Variants in PTPN12 observed in about 807,000 individuals in gnomAD.
PTPN12 encodes the protein protein tyrosine phosphatase non-receptor type 12, also known as tyrosine-protein phosphatase non-receptor type 12.
Under a neutral mutation model 97.6 loss-of-function variants are expected in PTPN12, and 29 were observed. That is an observed-to-expected ratio of 0.30 (90% CI 0.22 to 0.41). The LOEUF (loss-of-function observed/expected upper bound fraction) is 0.41. Among genes scored for constraint, PTPN12 ranks in the 10% least tolerant of loss-of-function variants. PTPN12 has a pLI of 1.00. For missense variants in PTPN12, 819 were observed against 926.0 expected (o/e 0.88, Z 1.50); for synonymous variants, 327 against 300.4 (o/e 1.09, Z -0.91).
At chr7:77,586,129 GT>G in intron 5 of PTPN12, among the ~76,000 whole-genome samples, 1 of 151,876 alleles carries the variant, frequency 6.6e-6, no homozygotes, top group Non-Finnish European at 1.5e-5. Context: ...AATTTTTGTA[GT>G]TTTAGTAAAG....
At chr7:77,544,473 A>G (rs1171875845) in intron 1 of PTPN12, among the ~76,000 whole-genome samples, 1 of 152,240 alleles carries the variant, frequency 6.6e-6, no homozygotes, top group African/African-American at 2.4e-5. Context: ...ACAGTAAACT[A>G]AAAATTTACT....
chr7:77,596,774 G>C (rs1788035133), intron 6 of PTPN12, among the ~76,000 whole-genome samples: 1 of 152,122 alleles, frequency 6.6e-6, no homozygotes, highest in Non-Finnish European at 1.5e-5. Flanking sequence ...AAGGTACAGA[G>C]ATTTCTTATA....
chr7:77,567,072 A>G (rs571917479), intron 1 of PTPN12, among the ~76,000 whole-genome samples: 1 of 152,172 alleles, frequency 6.6e-6, no homozygotes, highest in South Asian at 2.1e-4. Flanking sequence ...ATCAGAGACA[A>G]TAGAATAGTG....
intron 1 of PTPN12, among the ~76,000 whole-genome samples, chr7:77,556,901 G>A (rs1314399855): frequency 6.6e-6 from 1 of 151,978 alleles, no homozygotes; most frequent in African/African-American, 2.4e-5. Context: ...TAGAGCTCCT[G>A]GAGGTAAAAC....
At chr7:77,559,054 A>G (rs1267479549) in intron 1 of PTPN12, among the ~76,000 whole-genome samples, 1 of 152,190 alleles carries the variant, frequency 6.6e-6, no homozygotes, top group Non-Finnish European at 1.5e-5. Flanking sequence ...TATGTTGAAC[A>G]TCTACTTTTT....
In PTPN12 at chr7:77,626,975, A is replaced by G. The variant is rs1789211884; in HGVS notation, c.1296A>G (p.Arg432=). 6.2e-7 allele frequency: 1 copy of G among 1,610,008 alleles called. No individual in the cohort carries two copies. The highest frequency in any genetic ancestry group is 8.5e-7 in the Non-Finnish European group (1 of 1,178,856). ...AACAGATAGATAAAAAATTGGAACG[A>G]AATTTAAGTTTTGAGATTAAGAAGG... ...TIEQIDKKLE[R]NLSFEIKKVP... The change falls in exon 13 of 18, where the codon CGA becomes CGG. Residue 432 remains arginine, a synonymous_variant. Transcript: ENST00000248594.
chr7:77,635,597 G>A (rs946225208), intron 14 of PTPN12, among the ~76,000 whole-genome samples, 185 bp from the exon 15 acceptor site: 10 of 151,656 alleles, frequency 6.6e-5, no homozygotes, highest in Non-Finnish European at 7.4e-5. Context: ...GAATGTTCTC[G>A]AATTAATAGA....
At chr7:77,563,596 C>T (rs1279901542) in intron 1 of PTPN12, among the ~76,000 whole-genome samples, 3 of 152,120 alleles carry the variant, frequency 2.0e-5, no homozygotes, top group African/African-American at 7.2e-5. Context: ...GTGAAGCATA[C>T]ATTTTGACAT....
At chr7:77,604,815 C>A (rs968307304) in intron 8 of PTPN12, 4 of 376,058 alleles carry the variant, frequency 1.1e-5, no homozygotes, top group Non-Finnish European at 1.6e-5. Context: ...ATATTTTTAT[C>A]CACCTGGATT....
chr7:77,581,677 A>AT (rs1293426776), intron 3 of PTPN12, among the ~76,000 whole-genome samples, 174 bp downstream of exon 3: 21 of 152,228 alleles, frequency 1.4e-4, no homozygotes, highest in African/African-American at 4.8e-4. Context: ...CTTCTTATTC[A>AT]TATAGATAAA....
chr7:77,637,123 T>C lies in PTPN12; in HGVS notation c.2173+75T>C, dbSNP rs115281667. Reference sequence around the variant, plus strand: ...AATTTCTACAAAATAACATGCTTCATAGTTCATGCTATATAGTTATTTCTG... The same window carrying C: ...AATTTCTACAAAATAACATGCTTCACAGTTCATGCTATATAGTTATTTCTG... On this transcript the variant is annotated intron_variant, in intron 16 of 17. Transcript: ENST00000248594. 2.4e-4 allele frequency: 273 copies of C among 1,157,902 alleles called. 1 individual carries two copies. In the African/African-American group the frequency reaches 3.9e-3, roughly 17 times the overall value. 71.7% of individuals were successfully genotyped at this position (1,157,902 alleles called of 1,614,324 possible).
intron 2 of PTPN12, among the ~76,000 whole-genome samples, chr7:77,576,907 A>G (rs547573445): frequency 3.7e-4 from 56 of 152,342 alleles, no homozygotes; most frequent in Non-Finnish European, 5.9e-4. Flanking sequence ...CTGCTGTGGC[A>G]GTGGAATGTG....
At chr7:77,561,162 C>G (rs760911782) in intron 1 of PTPN12, among the ~76,000 whole-genome samples, 9 of 152,088 alleles carry the variant, frequency 5.9e-5, no homozygotes. Flanking sequence ...GTGGCACAAG[C>G]GATCCTCCTG....
rs1291438440 is a variant in PTPN12 at position 77,618,486 on chromosome 7, A to G, written c.946A>G (p.Ile316Val). Residue 316 changes from isoleucine to valine, a missense_variant, in exon 12 of 18, where the codon ATT becomes GTT. Around this residue, in one of 5 missense-constraint regions of PTPN12, gnomAD observed 607 missense variants for 577.3 expected, o/e 1.05. Coordinates refer to ENST00000248594, the MANE Select transcript of PTPN12 (RefSeq NM_002835.4). Reference protein sequence around the residue: ...AQKIADGVNEINTENMVSSIE... With the variant: ...AQKIADGVNEVNTENMVSSIE... Reference sequence around the variant, plus strand: ...GTATTTTTTCCCTTGGCAGAATGAAATTAACACTGAAAACATGGTCAGCTC... The same window carrying G: ...GTATTTTTTCCCTTGGCAGAATGAAGTTAACACTGAAAACATGGTCAGCTC... 1.3e-6 allele frequency: 2 copies of G among 1,590,544 alleles called. No homozygotes were observed. The highest frequency in any genetic ancestry group is 1.7e-6 in the Non-Finnish European group (2 of 1,165,840).
At chr7:77,551,944 A>G (rs369149821) in intron 1 of PTPN12, among the ~76,000 whole-genome samples, 3 of 152,200 alleles carry the variant, frequency 2.0e-5, no homozygotes, top group African/African-American at 7.2e-5. Context: ...GACCCCTTGT[A>G]TGAATGCCAA....
chr7:77,584,307 A>G (rs1562728444), intron 4 of PTPN12, among the ~76,000 whole-genome samples: 1 of 152,168 alleles, frequency 6.6e-6, no homozygotes, highest in Non-Finnish European at 1.5e-5. Flanking sequence ...TAAAGCATTG[A>G]CATGCTCTGG....
chr7:77,562,405 C>CTT (rs1808044355), intron 1 of PTPN12, among the ~76,000 whole-genome samples: 1 of 152,096 alleles, frequency 6.6e-6, no homozygotes, highest in Non-Finnish European at 1.5e-5. Flanking sequence ...TGATGGATTG[C>CTT]TTTGTAATAC....
At chr7:77,564,741 GTCGTGTTT>G (rs1808158487) in intron 1 of PTPN12, among the ~76,000 whole-genome samples, 3 of 54,256 alleles carry the variant, frequency 5.5e-5, no homozygotes, top group Non-Finnish European at 1.1e-4. Flanking sequence ...GTTTTTTGTT[GTCGTGTTT>G]TTTTTTTTTT....
intron 1 of PTPN12, among the ~76,000 whole-genome samples, chr7:77,539,079 A>G (rs1806821267): frequency 6.6e-6 from 1 of 152,234 alleles, no homozygotes; most frequent in Non-Finnish European, 1.5e-5. Flanking sequence ...TTTAAAAAGT[A>G]CAGTAGTTTT....
Sources: gnomAD v4.1 joint callset for allele counts (sites outside exome capture counted in the v4.1 genomes callset) on GRCh38, gnomAD v4.1.1 for gene constraint, gnomAD v4.1.1 regional missense constraint, MANE v1.5 for transcripts, NCBI Gene and HGNC (gene_info 2026-07-23, HGNC 2026-07-21) for gene names.